The following ARHGAP21 variants were observed in gnomAD, a reference collection of about 807,000 sequenced individuals.
ARHGAP21 encodes rho GTPase-activating protein 21.
ARHGAP21 carries 38 observed loss-of-function variants against 164.6 expected under a neutral mutation model. The observed-to-expected ratio is 0.23, with a 90% confidence interval of 0.18 to 0.30. ARHGAP21 has a LOEUF of 0.30. Ranked by LOEUF, ARHGAP21 falls within the 10% of genes least tolerant of loss-of-function variation. The pLI is 1.00. For synonymous variants in ARHGAP21, 766 were observed against 857.9 expected, an observed-to-expected ratio of 0.89 and a Z score of 1.87; for missense variants, 1,822 against 2,370.7, an observed-to-expected ratio of 0.77 and a Z score of 4.81.
intron 2 of ARHGAP21, among the ~76,000 whole-genome samples, chr10:24,719,668 G>A (rs1212409581): frequency 6.6e-6 from 1 of 152,198 alleles, no homozygotes; most frequent in Non-Finnish European, 1.5e-5. Context: ...TAGTACCACT[G>A]TGGAATGTAG....
chr10:24,594,393 C>T (rs1268144204), intron 21 of ARHGAP21, among the ~76,000 whole-genome samples: 1 of 152,108 alleles, frequency 6.6e-6, no homozygotes. Flanking sequence ...TGCCTATAAT[C>T]CCAGCACTTT....
At chr10:24,693,633 G>A (rs534212902) in intron 2 of ARHGAP21, among the ~76,000 whole-genome samples, 8 of 152,054 alleles carry the variant, frequency 5.3e-5, no homozygotes, top group East Asian at 1.9e-4. Flanking sequence ...GATTACAGGC[G>A]TGAGACACTG....
intron 4 of ARHGAP21, among the ~76,000 whole-genome samples, chr10:24,662,454 GAAT>G (rs1839800594): frequency 6.6e-6 from 1 of 152,068 alleles, no homozygotes; most frequent in Admixed American, 6.6e-5. Flanking sequence ...TACAAAATAA[GAAT>G]ATTATCTCAT....
chr10:24,586,199 T>C, intron 25 of ARHGAP21, 93 bp from the exon 26 acceptor site: 1 of 1,393,510 alleles, frequency 7.2e-7, no homozygotes, highest in Non-Finnish European at 9.4e-7. Flanking sequence ...TCTTATCAAA[T>C]TATATCTACT....
chr10:24,641,233 T>C (rs1836984651), intron 4 of ARHGAP21, among the ~76,000 whole-genome samples: 1 of 152,244 alleles, frequency 6.6e-6, no homozygotes, highest in South Asian at 2.1e-4. Context: ...ATATATCCTA[T>C]ATAAGTCATT....
intron 2 of ARHGAP21, among the ~76,000 whole-genome samples, chr10:24,677,988 A>AT (rs1178472336): frequency 6.6e-6 from 1 of 152,082 alleles, no homozygotes; most frequent in Non-Finnish European, 1.5e-5. Context: ...ACAGTCAGGC[A>AT]TGGTGGCTCA....
intron 2 of ARHGAP21, among the ~76,000 whole-genome samples, chr10:24,684,367 AATG>A (rs1219565131): frequency 6.6e-6 from 1 of 152,168 alleles, no homozygotes; most frequent in African/African-American, 2.4e-5. Context: ...ACCATAATTA[AATG>A]ATAATACAAG....
chr10:24,617,257 G>T (rs1834040963), intron 9 of ARHGAP21, among the ~76,000 whole-genome samples: 1 of 151,830 alleles, frequency 6.6e-6, no homozygotes, highest in African/African-American at 2.4e-5. Context: ...TTCATAACTA[G>T]GAAGAAATAT....
In ARHGAP21 at chr10:24,648,739, A is replaced by G. The variant is rs561928754; in HGVS notation, c.269-13636T>C. 1.1e-4 allele frequency: 96 copies of G among 907,122 alleles called. No homozygotes were observed. In the African/African-American group the frequency reaches 1.6e-3, roughly 15 times the overall value. 56.2% of individuals were successfully genotyped at this position (907,122 alleles called of 1,614,324 possible). ...GGCTGCAGTGAGCCGAGATGGTGCC[A>G]TCGCACTCCAGCCTAAGCAATAAGA... On this transcript the variant is annotated intron_variant, in intron 4 of 25. Coordinates refer to ENST00000396432, the MANE Select transcript of ARHGAP21 (RefSeq NM_020824.4).
At chr10:24,663,673 C>T (rs1160482754) in intron 4 of ARHGAP21, among the ~76,000 whole-genome samples, 5 of 152,142 alleles carry the variant, frequency 3.3e-5, no homozygotes, top group African/African-American at 7.2e-5. Context: ...GGATTAGAAG[C>T]GTGCATCCCC....
At chr10:24,688,345 A>G (rs1159769076) in intron 2 of ARHGAP21, among the ~76,000 whole-genome samples, 1 of 152,164 alleles carries the variant, frequency 6.6e-6, no homozygotes, top group Non-Finnish European at 1.5e-5. Context: ...GTGAGCCGAG[A>G]TGGCACCACT....
At chr10:24,698,966 ACAGAG>A (rs1364884051) in intron 2 of ARHGAP21, among the ~76,000 whole-genome samples, 1 of 152,242 alleles carries the variant, frequency 6.6e-6, no homozygotes, top group Non-Finnish European at 1.5e-5. Flanking sequence ...GGTTTCAGTA[ACAGAG>A]CAGAGGAAGA....
At position 24,601,970 on chromosome 10, in the gene ARHGAP21, C is replaced by T. The variant is rs754300246; in HGVS notation, c.2847+8G>A. ...CTGACACTCAGGGTGGCTTAGAAAA[C>T]ACACTACCTTGCCCTTATCGGTGAC... On this transcript the variant is annotated splice_region_variant and intron_variant, in intron 13 of 25. Coordinates refer to ENST00000396432, the MANE Select transcript of ARHGAP21 (RefSeq NM_020824.4). 30 of 1,571,416 alleles carry T rather than the reference C, an allele frequency of 1.9e-5. No homozygotes were observed. In the Admixed American group the frequency reaches 4.9e-4, roughly 26 times the overall value.
At chr10:24,609,534 G>A (rs2077165877) in intron 9 of ARHGAP21, among the ~76,000 whole-genome samples, 1 of 151,944 alleles carries the variant, frequency 6.6e-6, no homozygotes, top group African/African-American at 2.4e-5. Flanking sequence ...TCCTTTTACT[G>A]GTATGTTAAA....
At chr10:24,588,776 T>C (rs140680577) in intron 25 of ARHGAP21, among the ~76,000 whole-genome samples, 12 of 152,294 alleles carry the variant, frequency 7.9e-5, no homozygotes, top group African/African-American at 2.9e-4. Flanking sequence ...GTGATTTCAC[T>C]GAAAAGGCAA....
intron 4 of ARHGAP21, among the ~76,000 whole-genome samples, chr10:24,663,940 A>G (rs528088897): frequency 6.6e-6 from 1 of 152,166 alleles, no homozygotes. Context: ...TGTGATAAAG[A>G]TGTGTATAAA....
Position 24,589,318 on chromosome 10 carries a change from T to C in ARHGAP21, c.4151-16A>G. 5 of 1,605,772 alleles carry C rather than the reference T, an allele frequency of 3.1e-6. No homozygotes were observed. Among genetic ancestry groups the C allele is most frequent in the Non-Finnish European group, 4.3e-6 (5 of 1,173,702 alleles). On this transcript the variant is annotated splice_polypyrimidine_tract_variant and intron_variant, in intron 24 of 25. Coordinates refer to ENST00000396432, the MANE Select transcript of ARHGAP21 (RefSeq NM_020824.4). ...GTAGCTGAATCTGTGAAAAATTAAA[T>C]AAAACATGGTCAGTATTAGCCAATC...
intron 2 of ARHGAP21, among the ~76,000 whole-genome samples, chr10:24,713,667 C>G (rs1845073859): frequency 6.8e-6 from 1 of 147,800 alleles, no homozygotes; most frequent in East Asian, 2.0e-4. Context: ...TGATGGGGGT[C>G]TCCCTATTTG....
intron 11 of ARHGAP21, among the ~76,000 whole-genome samples, chr10:24,605,496 C>T (rs2076986363): frequency 6.6e-6 from 1 of 152,160 alleles, no homozygotes; most frequent in Non-Finnish European, 1.5e-5. Context: ...AAATCCAACC[C>T]TGTATCTTTA....
Sources: allele counts gnomAD v4.1 joint callset (sites outside exome capture counted in the v4.1 genomes callset), GRCh38; gene constraint gnomAD v4.1.1; transcripts MANE v1.5; gene names NCBI Gene and HGNC (gene_info 2026-07-23, HGNC 2026-07-21).